RPH3AL: variants seen among roughly 807,000 people sequenced by gnomAD.
RPH3AL encodes the protein rab effector Noc2.
In RPH3AL, 38 loss-of-function variants were observed where a neutral mutation model predicts 43.1. The ratio of observed to expected loss-of-function variants is 0.88; its 90% CI spans 0.68 to 1.15. The LOEUF is 1.15. Among genes scored for constraint, RPH3AL ranks in the 50% most tolerant of loss-of-function variants. The probability of loss-of-function intolerance (pLI) is 0.00; values close to 1 mark genes in which losing one functional copy is unlikely to be tolerated. For synonymous variants in RPH3AL, 189 were observed against 176.3 expected, an observed-to-expected ratio of 1.07 and a Z score of -0.57; for missense variants, 462 against 423.2, an observed-to-expected ratio of 1.09 and a Z score of -0.81.
chr17:239,618 T>C (rs74850833), intron 7 of RPH3AL, among the ~76,000 whole-genome samples: 2,563 of 150,980 alleles, frequency 0.017, 76 homozygotes, highest in African/African-American at 0.059. Flanking sequence ...CTCCCGATTC[T>C]GTTTTGTTTT....
chr17:237,728 G>A (rs2041432433), intron 7 of RPH3AL, among the ~76,000 whole-genome samples: 1 of 152,206 alleles, frequency 6.6e-6, no homozygotes, highest in Admixed American at 6.5e-5. Context: ...CAGGATCCCA[G>A]GCCGAGGTCC....
At chr17:267,240 TC>T (rs2042345714) in intron 6 of RPH3AL, among the ~76,000 whole-genome samples, 1 of 152,236 alleles carries the variant, frequency 6.6e-6, no homozygotes, top group Admixed American at 6.5e-5. Flanking sequence ...TTTGACAGAC[TC>T]CCCTCACTTT....
chr17:286,482 G>A (rs149296774), intron 5 of RPH3AL, among the ~76,000 whole-genome samples: 80 of 152,274 alleles, frequency 5.3e-4, no homozygotes, highest in Middle Eastern at 6.8e-3. Context: ...ACGGAAAGAC[G>A]ACACGCTCCC....
intron 5 of RPH3AL, among the ~76,000 whole-genome samples, chr17:303,173 G>A (rs1338664156): frequency 6.6e-6 from 1 of 152,182 alleles, no homozygotes; most frequent in East Asian, 1.9e-4. Context: ...CTGAGCAGGA[G>A]GATCGCCTGA....
intron 6 of RPH3AL, among the ~76,000 whole-genome samples, chr17:249,676 CAA>C (rs35942725): frequency 2.8e-4 from 25 of 90,404 alleles, no homozygotes; most frequent in African/African-American, 3.5e-4. Context: ...AGAGTCAAGC[CAA>C]AAAAAAAAAA....
chr17:258,148 A>C (rs4890203), intron 6 of RPH3AL, among the ~76,000 whole-genome samples: 16,549 of 152,180 alleles, frequency 0.11, 1,171 homozygotes, highest in Non-Finnish European at 0.14. Flanking sequence ...TCGTCTGTTC[A>C]TAGGTACGTG....
chr17:300,037 A>C (rs58284580), intron 5 of RPH3AL, among the ~76,000 whole-genome samples: 3,885 of 42,616 alleles, frequency 0.091, 790 homozygotes, highest in Non-Finnish European at 0.11. Context: ...CCCACTCTAG[A>C]AGGGGCTGGC....
At chr17:281,552 G>C (rs1294621921) in intron 6 of RPH3AL, among the ~76,000 whole-genome samples, 2 of 151,656 alleles carry the variant, frequency 1.3e-5, no homozygotes, top group East Asian at 3.9e-4. Context: ...AGGGGAAGTG[G>C]CCACAGGCTG....
chr17:315,985 C>A (rs1555520055), intron 5 of RPH3AL, among the ~76,000 whole-genome samples: 1 of 148,972 alleles, frequency 6.7e-6, no homozygotes, highest in African/African-American at 2.6e-5. Context: ...ACGTGTAGTC[C>A]CTGTGCCCCA....
At position 264,036 on chromosome 17, in the gene RPH3AL, C is replaced by T. The variant is rs901342817; in HGVS notation, c.439-16751G>A. The stretch of plus-strand genomic sequence containing the variant: ...GATGCTGCTTTCCAAGATGGCTGGG[C>T]GGGGATCTCTGATCAGATTTCAAAG... On this transcript the variant is annotated intron_variant, in intron 6 of 9. Coordinates refer to ENST00000331302, the MANE Select transcript of RPH3AL (RefSeq NM_006987.4). The surrounding 1 kb of genome is among the most constrained non-coding windows in gnomAD (Gnocchi z 4.8). Among the ~76,000 whole-genome samples the T allele has an allele frequency of 1.3e-5, 2 of 152,118 alleles. No homozygotes were observed. The highest frequency in any genetic ancestry group is 4.8e-5 in the African/African-American group (2 of 41,394).
chr17:243,041 A>ATTGATTACCCT (rs1567577342), intron 7 of RPH3AL, among the ~76,000 whole-genome samples: 1 of 62,858 alleles, frequency 1.6e-5, no homozygotes, highest in Non-Finnish European at 3.6e-5. Flanking sequence ...ATTGAATACC[A>ATTGATTACCCT]TCCTCTATTG....
chr17:345,727 A>G (rs565384528), intron 1 of RPH3AL, among the ~76,000 whole-genome samples: 865 of 76,104 alleles, frequency 0.011, 77 homozygotes, highest in African/African-American at 0.031. Flanking sequence ...TGCATACCCT[A>G]CTGGGGCACG....
intron 6 of RPH3AL, among the ~76,000 whole-genome samples, chr17:272,736 C>G (rs2042502004): frequency 6.7e-6 from 1 of 148,376 alleles, no homozygotes; most frequent in Admixed American, 6.9e-5. Context: ...AGCACATGTA[C>G]CCTAGAACTT....
At chr17:231,676 C>G (rs1490836581) in intron 7 of RPH3AL, among the ~76,000 whole-genome samples, 1 of 152,228 alleles carries the variant, frequency 6.6e-6, no homozygotes, top group African/African-American at 2.4e-5. Context: ...CACACGGGAG[C>G]TCTGCACACC....
chr17:232,552 C>T (rs2041253093), intron 7 of RPH3AL, among the ~76,000 whole-genome samples: 1 of 152,204 alleles, frequency 6.6e-6, no homozygotes, highest in South Asian at 2.1e-4. Context: ...GCGGGACCCA[C>T]GGTGGCCTCG....
At chr17:341,659 A>C (rs919167440) in intron 1 of RPH3AL, among the ~76,000 whole-genome samples, 2 of 152,208 alleles carry the variant, frequency 1.3e-5, no homozygotes, top group African/African-American at 2.4e-5. Flanking sequence ...AGATTTGGCA[A>C]TGATTTCTTA....
At chr17:214,213 C>G (rs1303953522) in intron 9 of RPH3AL, among the ~76,000 whole-genome samples, 1 of 152,208 alleles carries the variant, frequency 6.6e-6, no homozygotes, top group Non-Finnish European at 1.5e-5. Flanking sequence ...AAAGAGAACA[C>G]CCTCCTTTAA....
rs536889799 is a variant in RPH3AL at position 333,438 on chromosome 17, T to C, written c.-37+321A>G. 25 of 537,892 alleles carry C rather than the reference T, an allele frequency of 4.6e-5. No homozygotes were observed. Among genetic ancestry groups the C allele is most frequent in the African/African-American group, 3.2e-4 (16 of 50,616 alleles). The allele number at this position is 537,892 out of a possible 1,614,324, so 33.3% of individuals were successfully genotyped here. A position where few individuals can be genotyped will look rare whatever the true frequency, so the allele number is the denominator to read the frequency against. On this transcript the variant is annotated intron_variant, in intron 2 of 9. Transcript: ENST00000331302. This position sits in a 1 kb window ranked among gnomAD's most constrained non-coding sequence, Gnocchi z 4.5. ...ACAAATTGTAATAAAATTGGGTTCT[T>C]ACTGCATACGCTGCTTGCTGGTTTC...
At chr17:316,979 C>G (rs2044260034) in intron 5 of RPH3AL, among the ~76,000 whole-genome samples, 1 of 146,748 alleles carries the variant, frequency 6.8e-6, no homozygotes, top group African/African-American at 2.5e-5. Flanking sequence ...CTCCATTGAC[C>G]TGTAGTCCCT....
Sources: allele counts gnomAD v4.1 joint callset (sites outside exome capture counted in the v4.1 genomes callset), GRCh38; gene constraint gnomAD v4.1.1; non-coding constraint Gnocchi (gnomAD v3.1); transcripts MANE v1.5; gene names NCBI Gene and HGNC (gene_info 2026-07-23, HGNC 2026-07-21).